Variants in GABBR2 observed in about 807,000 individuals in gnomAD.
The protein encoded by GABBR2 is G-protein coupled receptor 51.
In GABBR2, 23 loss-of-function variants were observed where a neutral mutation model predicts 105.6. The observed-to-expected ratio is 0.22, with a 90% CI of 0.16 to 0.31. The LOEUF (loss-of-function observed/expected upper bound fraction) is 0.31. GABBR2 is among the 10% of genes least tolerant of loss of function. The pLI, the probability that GABBR2 is intolerant of heterozygous loss-of-function variation, is 1.00. For synonymous variants in GABBR2, 478 were observed against 499.7 expected, an observed-to-expected ratio of 0.96 and a Z score of 0.58; for missense variants, 734 against 1,245.5, an observed-to-expected ratio of 0.59 and a Z score of 6.18.
chr9:98,514,947 C>T (rs1474489332), intron 3 of GABBR2, among the ~76,000 whole-genome samples: 2 of 152,120 alleles, frequency 1.3e-5, no homozygotes, highest in African/African-American at 2.4e-5. Context: ...GAACTGCCAC[C>T]AAACCCAGGG....
At chr9:98,326,990 G>A (rs572263302) in intron 13 of GABBR2, among the ~76,000 whole-genome samples, 1 of 152,334 alleles carries the variant, frequency 6.6e-6, no homozygotes, top group East Asian at 1.9e-4. Flanking sequence ...TGATTGGAAG[G>A]CCTCGATGAA....
At chr9:98,422,015 C>A (rs1832790281) in intron 7 of GABBR2, among the ~76,000 whole-genome samples, 1 of 152,070 alleles carries the variant, frequency 6.6e-6, no homozygotes, top group African/African-American at 2.4e-5. Flanking sequence ...CAAAGGACAT[C>A]CTGGACAAAC....
At chr9:98,476,418 C>T (rs1826795307) in intron 5 of GABBR2, among the ~76,000 whole-genome samples, 1 of 152,182 alleles carries the variant, frequency 6.6e-6, no homozygotes, top group African/African-American at 2.4e-5. Context: ...TACAGTCAAA[C>T]AGCAGATTTT....
intron 7 of GABBR2, among the ~76,000 whole-genome samples, chr9:98,425,782 A>G (rs916708998): frequency 8.5e-5 from 13 of 152,176 alleles, no homozygotes; most frequent in African/African-American, 2.9e-4. Flanking sequence ...CTCTGAAGCC[A>G]GTTACTTCCC....
intron 3 of GABBR2, among the ~76,000 whole-genome samples, chr9:98,529,089 T>A (rs1415456197): frequency 6.6e-6 from 1 of 151,720 alleles, no homozygotes; most frequent in Non-Finnish European, 1.5e-5. Flanking sequence ...ATAAAGATGG[T>A]GAGAGCAAAC....
chr9:98,463,266 G>C (rs776716835), intron 6 of GABBR2, among the ~76,000 whole-genome samples: 24 of 152,138 alleles, frequency 1.6e-4, no homozygotes, highest in African/African-American at 5.3e-4. Flanking sequence ...TAAATGCAGG[G>C]ATATACACAA....
intron 1 of GABBR2, among the ~76,000 whole-genome samples, chr9:98,608,502 T>C (rs1183182409): frequency 6.6e-6 from 1 of 152,202 alleles, no homozygotes; most frequent in African/African-American, 2.4e-5. Context: ...TCATTGAGGA[T>C]AAAAGGCCAT....
At chr9:98,408,892 AC>A (rs1203506295) in intron 7 of GABBR2, among the ~76,000 whole-genome samples, 1 of 152,028 alleles carries the variant, frequency 6.6e-6, no homozygotes, top group Non-Finnish European at 1.5e-5. Context: ...GGTTCAGGCG[AC>A]CCTCCTGCCT....
intron 16 of GABBR2, among the ~76,000 whole-genome samples, chr9:98,302,173 C>T (rs964210078): frequency 6.6e-6 from 1 of 152,330 alleles, no homozygotes; most frequent in East Asian, 1.9e-4. Context: ...CTAGAGACGA[C>T]GTTTCCCAGC....
At chr9:98,310,805 G>A (rs568648919) in intron 14 of GABBR2, among the ~76,000 whole-genome samples, 1 of 152,280 alleles carries the variant, frequency 6.6e-6, no homozygotes, top group East Asian at 1.9e-4. Flanking sequence ...ACAGCCACGA[G>A]TTTTTGGGTT....
chr9:98,465,191 C>T (rs979117100), intron 6 of GABBR2, among the ~76,000 whole-genome samples: 9 of 115,288 alleles, frequency 7.8e-5, no homozygotes, highest in South Asian at 5.9e-4. Context: ...ACAATCAATA[C>T]GTGATGTGAA....
At chr9:98,630,781 G>T (rs1829806221) in intron 1 of GABBR2, among the ~76,000 whole-genome samples, 1 of 152,172 alleles carries the variant, frequency 6.6e-6, no homozygotes, top group Non-Finnish European at 1.5e-5. Flanking sequence ...GAATAGGATG[G>T]CTTTTAAGAG....
At chr9:98,413,248 C>G (rs904700377) in intron 7 of GABBR2, among the ~76,000 whole-genome samples, 4 of 152,142 alleles carry the variant, frequency 2.6e-5, no homozygotes, top group Non-Finnish European at 5.9e-5. Flanking sequence ...CAGCACTGGT[C>G]TCAAAGAAAC....
chr9:98,667,875 C>T (rs4743261), intron 1 of GABBR2, among the ~76,000 whole-genome samples: 141,301 of 152,312 alleles, frequency 0.93, 65,672 homozygotes, highest in Middle Eastern at 0.97. Context: ...ATGCCTGTCC[C>T]CCCAGCTGCT....
chr9:98,410,731 A>G (rs1426581876), intron 7 of GABBR2, among the ~76,000 whole-genome samples: 1 of 151,874 alleles, frequency 6.6e-6, no homozygotes, highest in Non-Finnish European at 1.5e-5. Context: ...CCATTATTTC[A>G]TTTGTATTCC....
intron 6 of GABBR2, among the ~76,000 whole-genome samples, chr9:98,469,128 G>A (rs1826617202): frequency 6.6e-6 from 1 of 152,206 alleles, no homozygotes; most frequent in African/African-American, 2.4e-5. Context: ...TTCTCACACT[G>A]CTATAAAGAA....
intron 7 of GABBR2, among the ~76,000 whole-genome samples, chr9:98,421,354 C>G (rs1832780057): frequency 6.6e-6 from 1 of 151,136 alleles, no homozygotes; most frequent in Non-Finnish European, 1.5e-5. Context: ...CGACGAGGAA[C>G]AGGAAACAAT....
rs563833530 is a variant in GABBR2 at position 98,642,399 on chromosome 9, C to T, written c.322-64327G>A. ...ACAGACTCCTCAGCAGTCTCTATGC[C>T]TCTTCCAGCCCATTCCCCATGCCGT... On this transcript the variant is annotated intron_variant, in intron 1 of 18. Transcript: ENST00000259455. 4.6e-5 allele frequency among the ~76,000 whole-genome samples: 7 copies of T among 152,354 alleles called. No homozygotes were observed. The South Asian group carries it at 1.4e-3, about 32-fold the overall frequency.
chr9:98,532,356 G>A (rs1472722696), intron 3 of GABBR2, among the ~76,000 whole-genome samples: 1 of 152,200 alleles, frequency 6.6e-6, no homozygotes, highest in Admixed American at 6.5e-5. Context: ...TGGGCAGGCA[G>A]CCAAGTCACC....
Sources: allele counts gnomAD v4.1 joint callset (sites outside exome capture counted in the v4.1 genomes callset), GRCh38; gene constraint gnomAD v4.1.1; transcripts MANE v1.5; gene names NCBI Gene and HGNC (gene_info 2026-07-23, HGNC 2026-07-21).